The following CPZ variants were observed in gnomAD, a reference collection of about 807,000 sequenced individuals.
The protein encoded by CPZ is carboxypeptidase Z, also known as VEZT/CPZ fusion.
A neutral mutation model predicts 61.8 loss-of-function variants in CPZ; 103 were observed. The observed-to-expected ratio is 1.67, with a 90% CI of 1.42 to 1.96. The LOEUF is 1.96. CPZ is among the 30% of genes most tolerant of loss of function. The pLI, the probability that CPZ is intolerant of heterozygous loss-of-function variation, is 0.00. For synonymous variants in CPZ, 551 were observed against 373.7 expected, an observed-to-expected ratio of 1.47 and a Z score of -5.47; for missense variants, 1,461 against 914.9, an observed-to-expected ratio of 1.60 and a Z score of -7.70.
chr4:8,609,372 T>C (rs983467119), intron 7 of CPZ, among the ~76,000 whole-genome samples: 3 of 151,646 alleles, frequency 2.0e-5, no homozygotes, highest in African/African-American at 4.9e-5. Context: ...CACAAACTCA[T>C]TCACTCACTC....
chr4:8,607,497 C>T lies in CPZ; in HGVS notation c.1227+72C>T, dbSNP rs576745793. On this transcript the variant is annotated intron_variant, in intron 7 of 10. Transcript: ENST00000360986. The stretch of plus-strand genomic sequence containing the variant: ...GGTCCCCTTGGAGCTGGTGCCCCTC[C>T]AGTCCTGAGCTCAGTGAAGGCAAAG... 17 of 1,531,080 alleles carry T rather than the reference C, an allele frequency of 1.1e-5. No homozygotes were observed. In the South Asian group the frequency reaches 1.7e-4, roughly 16 times the overall value. 94.8% of individuals were successfully genotyped at this position (1,531,080 alleles called of 1,614,324 possible). A position where few individuals can be genotyped will look rare whatever the true frequency, so the allele number is the denominator to read the frequency against.
intron 4 of CPZ, 47 bp from the exon 5 acceptor site, chr4:8,605,942 A>G: frequency 1.3e-6 from 2 of 1,577,076 alleles, no homozygotes; most frequent in East Asian, 2.3e-5. Context: ...GCCTTTGGGG[A>G]CCCCCGGCTT....
rs755742622 is a variant in CPZ, at chr4:8,606,854, C to T, written c.1024C>T (p.Arg342Cys). ...YYRLAETRGA[R>C]SDHIPIPQHY... ...CCGGCTGGCGGAGACCCGCGGCGCACGCAGCGACCACATCCCCATCCCCCA... is the reference window on the plus strand; with the variant it reads ...CCGGCTGGCGGAGACCCGCGGCGCATGCAGCGACCACATCCCCATCCCCCA... Residue 342 changes from arginine to cysteine, a missense_variant, in exon 6 of 11, where the codon CGC (arginine) becomes TGC (cysteine). Arg to Cys is a radical substitution (Grantham distance 180). Coordinates refer to ENST00000360986, the MANE Select transcript of CPZ (RefSeq NM_001014447.3). 3 of 1,613,372 alleles carry T rather than the reference C, an allele frequency of 1.9e-6. No individual in the cohort carries two copies. The highest frequency in any genetic ancestry group is 1.3e-5 in the African/African-American group (1 of 75,062).
At chr4:8,593,028 C>A (rs1004830256) in intron 1 of CPZ, 107 bp downstream of exon 1, 4 of 848,492 alleles carry the variant, frequency 4.7e-6, no homozygotes, top group African/African-American at 3.5e-5. Context: ...GTAGGTCACG[C>A]GCCTATGGTC....
rs79786058 is a variant in CPZ at position 8,606,910 on chromosome 4, C to T, written c.1068+12C>T. 1.3e-3 allele frequency: 2,097 copies of T among 1,588,290 alleles called. 19 individuals carry two copies. In the African/African-American group the frequency reaches 0.017, roughly 13 times the overall value. On this transcript the variant is annotated intron_variant, in intron 6 of 10. Coordinates refer to ENST00000360986, the MANE Select transcript of CPZ (RefSeq NM_001014447.3). ...ACTGGTGGGGTAAGGTAGGAGCCGC[C>T]GCTGCCCATGCTGGTCTCCACCAAG...
intron 7 of CPZ, among the ~76,000 whole-genome samples, chr4:8,609,033 T>TCACC (rs1481863494): frequency 6.8e-6 from 1 of 147,198 alleles, no homozygotes; most frequent in Non-Finnish European, 1.5e-5. Flanking sequence ...ACTCCTTCAC[T>TCACC]CACCCATTCA....
At chr4:8,605,889 T>G (rs1714950743) in intron 4 of CPZ, 100 bp from the exon 5 acceptor site, 3 of 1,184,968 alleles carry the variant, frequency 2.5e-6, no homozygotes, top group Non-Finnish European at 3.6e-6. Flanking sequence ...TATGAATTGG[T>G]CCCAGCCCAT....
intron 6 of CPZ, 100 bp from the exon 7 acceptor site, chr4:8,607,167 T>C (rs1715105332): frequency 1.4e-6 from 2 of 1,389,084 alleles, no homozygotes; most frequent in Admixed American, 2.2e-5. Context: ...CCGTTAATAG[T>C]CTGCACCATT....
intron 9 of CPZ, 178 bp from the exon 10 acceptor site, chr4:8,618,251 G>A (rs1716367993): frequency 3.3e-6 from 2 of 611,358 alleles, no homozygotes; most frequent in Non-Finnish European, 5.8e-6. Context: ...CTGAGGCCCA[G>A]AGAGGGGAGT....
chr4:8,592,979 T>C, intron 1 of CPZ, 58 bp downstream of exon 1: 1 of 1,346,736 alleles, frequency 7.4e-7, no homozygotes, highest in South Asian at 1.3e-5. Flanking sequence ...CTGGGGAGTG[T>C]GATCCGTCGC....
At chr4:8,614,282 G>A in intron 8 of CPZ, 77 bp from the exon 9 acceptor site, 1 of 1,496,808 alleles carries the variant, frequency 6.7e-7, no homozygotes, top group Non-Finnish European at 9.0e-7. Context: ...CTGTCTCTGT[G>A]CGGCTGACAC....
rs1292937908 is a variant in CPZ at position 8,606,671 on chromosome 4, C to T, written c.907-66C>T. 3 of 1,595,468 alleles carry T rather than the reference C, an allele frequency of 1.9e-6. No homozygotes were observed. The East Asian group carries it at 6.7e-5, about 36-fold the overall frequency. On this transcript the variant is annotated intron_variant, in intron 5 of 10. Coordinates refer to ENST00000360986, the MANE Select transcript of CPZ (RefSeq NM_001014447.3). ...CCTTGACCCTCAGCCCAGCGTGAGA[C>T]CCATCTGGAAGGAGGAGGGTGGGGT...
At chr4:8,610,816 C>G (rs1247768225) in intron 7 of CPZ, among the ~76,000 whole-genome samples, 1 of 152,106 alleles carries the variant, frequency 6.6e-6, no homozygotes, top group Non-Finnish European at 1.5e-5. Context: ...TGTGTTTGTG[C>G]CCTTGGTTTG....
At chr4:8,618,181 G>A (rs1321775829) in intron 9 of CPZ, 8 of 515,816 alleles carry the variant, frequency 1.6e-5, no homozygotes, top group African/African-American at 5.8e-5. Context: ...CAGGCCTCGG[G>A]TGAGATGCAG....
At chr4:8,599,707 GC>G in intron 2 of CPZ, 1 of 1,173,598 alleles carries the variant, frequency 8.5e-7, no homozygotes, top group Non-Finnish European at 1.2e-6. Context: ...ACCGGGCTAT[GC>G]CCACCCCAGC....
Position 8,607,327 on chromosome 4 carries a change from G to A in CPZ, c.1129G>A (p.Ala377Thr). The change falls in exon 7 of 11, where the codon GCC becomes ACC. Residue 377 changes from alanine to threonine, a missense_variant. Ala to Thr is a moderately conservative substitution (Grantham distance 58). Coordinates refer to ENST00000360986, the MANE Select transcript of CPZ (RefSeq NM_001014447.3). ...GCAGACCATACCCTTTGTGCTCTCA[G>A]CCAGCCTTCATGGGGGCGACCTGGT... is the stretch of plus-strand genomic sequence containing the variant. ...WMQTIPFVLSASLHGGDLVVS... is the reference protein window; with the variant it reads ...WMQTIPFVLSTSLHGGDLVVS... 6.2e-7 allele frequency: 1 copy of A among 1,614,142 alleles called. No individual in the cohort carries two copies. The highest frequency in any genetic ancestry group is 2.2e-5 in the East Asian group (1 of 44,874).
At position 8,604,062 on chromosome 4, in the gene CPZ, C is replaced by A. The variant is rs781355299; in HGVS notation, c.583C>A (p.Arg195Ser). ...CCACCACTCCTACGCCCAGATGGTG[C>A]GTGTGCTGAGGCGGACGGCCTCCCG... ...FSHHSYAQMV[R>S]VLRRTASRCA... The change falls in exon 4 of 11, where the codon CGT becomes AGT. Residue 195 changes from arginine to serine, a missense_variant. Physicochemically the swap from Arg to Ser is moderately radical, Grantham distance 110. Coordinates refer to ENST00000360986, the MANE Select transcript of CPZ (RefSeq NM_001014447.3). The A allele has an allele frequency of 6.8e-6, 11 of 1,611,550 alleles. No individual in the cohort carries two copies. The East Asian group carries it at 1.1e-4, about 16-fold the overall frequency.
rs554209297 is a variant in CPZ, at chr4:8,592,881, C to T, written c.48C>T (p.Ala16=). ...TGCTCCTTACAGTCCTGGTCGTCGC[C>T]GCTGCCCGGCCGGGGTGCGAGTTTG... is the stretch of plus-strand genomic sequence containing the variant. The part of the protein sequence containing the change: ...PLLLLTVLVV[A]AARPGCEFER... The change falls in exon 1 of 11, where the codon GCC becomes GCT. Residue 16 remains alanine, a synonymous_variant. Coordinates refer to ENST00000360986, the MANE Select transcript of CPZ (RefSeq NM_001014447.3). 2.5e-5 allele frequency: 39 copies of T among 1,534,292 alleles called. No homozygotes were observed. The highest frequency in any genetic ancestry group is 1.2e-4 in the East Asian group (5 of 40,058).
chr4:8,596,993 G>T (rs1231611488), intron 1 of CPZ, among the ~76,000 whole-genome samples: 1 of 152,218 alleles, frequency 6.6e-6, no homozygotes, highest in Admixed American at 6.5e-5. Context: ...GCCAGGCCAC[G>T]CTCAGTGCCA....
Sources: gnomAD v4.1 joint callset for allele counts (sites outside exome capture counted in the v4.1 genomes callset) on GRCh38, gnomAD v4.1.1 for gene constraint, MANE v1.5 for transcripts, NCBI Gene and HGNC (gene_info 2026-07-23, HGNC 2026-07-21) for gene names.